Variants in POGLUT1 observed in about 807,000 individuals in gnomAD.
POGLUT1 encodes 9630046K23Rik.
POGLUT1 carries 32 observed loss-of-function variants against 61.3 expected under a neutral mutation model. The ratio of observed to expected loss-of-function variants is 0.52; its 90% CI spans 0.39 to 0.70. The LOEUF is 0.70. Among genes scored for constraint, POGLUT1 ranks in the 30% least tolerant of loss-of-function variants. The pLI is 0.00. For missense variants in POGLUT1, 411 were observed against 469.8 expected (o/e 0.87, Z 1.16); for synonymous variants, 158 against 158.2 (o/e 1.00, Z 0.01).
Position 119,470,435 on chromosome 3 carries a change from G to T in POGLUT1, c.176+525G>T, listed in dbSNP as rs144505126. On this transcript the variant is annotated intron_variant, in intron 2 of 10. Transcript: ENST00000295588. ...TACTAAAAATACAAAAATTAGCTGG[G>T]CATGATGGCACGTGCCTGTAATCCC... 1.8e-4 allele frequency among the ~76,000 whole-genome samples: 27 copies of T among 152,272 alleles called. No homozygotes were observed. In the East Asian group the frequency reaches 5.2e-3, roughly 29 times the overall value.
rs777875042 is a variant in POGLUT1, at chr3:119,492,486, A to G, written c.*48A>G. 3.8e-6 allele frequency: 5 copies of G among 1,306,678 alleles called. No homozygotes were observed. The highest frequency in any genetic ancestry group is 1.5e-5 in the African/African-American group (1 of 67,612). 80.9% of individuals were successfully genotyped at this position (1,306,678 alleles called of 1,614,324 possible). ...CTCTTTGTGGCAACAGATCTCAGAT[A>G]TCCTACGGTGAGAAGCTTACCATAA... On this transcript the variant is annotated 3_prime_UTR_variant, in exon 11 of 11. Transcript: ENST00000295588.
chr3:119,469,071 T>C lies in POGLUT1; in HGVS notation c.50T>C (p.Leu17Pro). ...SPLRLWLLLF[L>P]LPSAQGRQKE... ...CTTCGGCTCTGGCTGCTGTTGTTCC[T>C]CCTGCCCTCAGCGCAGGGCCGCCAG... Residue 17 changes from leucine (L) to proline (P), a missense_variant, in exon 1 of 11, where the codon CTC becomes CCC. Leu to Pro is a moderately conservative substitution (Grantham distance 98, BLOSUM62 -3). Transcript: ENST00000295588. The C allele has an allele frequency of 6.2e-7, 1 of 1,609,368 alleles. No homozygotes were observed. Among genetic ancestry groups the C allele is most frequent in the Non-Finnish European group, 8.5e-7 (1 of 1,179,062 alleles).
intron 5 of POGLUT1, 85 bp downstream of exon 5, chr3:119,480,257 T>A (rs1428170646): frequency 4.5e-5 from 54 of 1,200,670 alleles, no homozygotes; most frequent in Non-Finnish European, 5.9e-5. Flanking sequence ...ATTTACTTTT[T>A]TTTTTTTTGA....
intron 4 of POGLUT1, chr3:119,478,468 C>T (rs1319990187): frequency 2.2e-6 from 1 of 456,022 alleles, no homozygotes; most frequent in South Asian, 1.6e-5. Context: ...CAGATAGAGG[C>T]TCCCATGTAA....
In POGLUT1 at chr3:119,469,038, G is replaced by T; in HGVS notation, c.17G>T (p.Ser6Ile). Residue 6 changes from serine to isoleucine, a missense_variant, in exon 1 of 11, where the codon AGC becomes ATC. Coordinates refer to ENST00000295588, the MANE Select transcript of POGLUT1 (RefSeq NM_152305.3). MEWWA[S>I]SPLRLWLLLF... ...CTGCCGGCGATGGAGTGGTGGGCTA[G>T]CTCGCCGCTTCGGCTCTGGCTGCTG... The T allele has an allele frequency of 2.5e-6, 4 of 1,608,874 alleles. No homozygotes were observed. Among genetic ancestry groups the T allele is most frequent in the Middle Eastern group, 2.0e-4 (1 of 4,912 alleles).
Position 119,488,923 on chromosome 3 carries a change from T to G in POGLUT1, c.739-6T>G, listed in dbSNP as rs1169477481. The G allele has an allele frequency of 6.4e-7, 1 of 1,550,756 alleles. No homozygotes were observed. The highest frequency in any genetic ancestry group is 1.4e-5 in the African/African-American group (1 of 73,852). On this transcript the variant is annotated splice_polypyrimidine_tract_variant and splice_region_variant and intron_variant, in intron 7 of 10. Coordinates refer to ENST00000295588, the MANE Select transcript of POGLUT1 (RefSeq NM_152305.3). ...TTAATACTAATAACTTCCTTTCCAC[T>G]TAAAGGATACCTTAGGAAAGCCAGC... is the stretch of plus-strand genomic sequence containing the variant.
rs545626845 is a variant in POGLUT1, at chr3:119,491,986, G to A, written c.1023-296G>A. ...GGAGAATCACTTGAACCCGGGAGGC[G>A]GAGGTTGCAGTGAGCCAAGATCGCA... On this transcript the variant is annotated intron_variant, in intron 10 of 10. Coordinates refer to ENST00000295588, the MANE Select transcript of POGLUT1 (RefSeq NM_152305.3). Among the ~76,000 whole-genome samples, 10 of 152,026 alleles carry A rather than the reference G, an allele frequency of 6.6e-5. No homozygotes were observed. In the South Asian group the frequency reaches 8.3e-4, roughly 13 times the overall value.
intron 2 of POGLUT1, 71 bp downstream of exon 2, chr3:119,469,981 G>C: frequency 1.1e-6 from 1 of 943,138 alleles, no homozygotes; most frequent in South Asian, 1.4e-5. Context: ...ACATCCTTGA[G>C]AGATTTTGGT....
chr3:119,490,502 G>A (rs764487502), intron 8 of POGLUT1, 49 bp from the exon 9 acceptor site: 1 of 1,482,684 alleles, frequency 6.7e-7, no homozygotes, highest in East Asian at 2.3e-5. Context: ...GGTCATATTT[G>A]TGGCAGCAGG....
chr3:119,478,579 T>C (rs1265646671), intron 4 of POGLUT1: 3 of 351,192 alleles, frequency 8.5e-6, no homozygotes, highest in Non-Finnish European at 1.7e-5. Flanking sequence ...ACTTCCCTTC[T>C]GTTTTTTAAA....
intron 4 of POGLUT1, among the ~76,000 whole-genome samples, chr3:119,478,696 A>G (rs1338574022): frequency 1.3e-5 from 2 of 152,080 alleles, no homozygotes; most frequent in Admixed American, 6.6e-5. Flanking sequence ...GATGAATCAC[A>G]TTTTTTACAT....
In POGLUT1 at chr3:119,492,452, A is replaced by T. The variant is rs1255064927; in HGVS notation, c.*14A>T. Reference sequence around the variant, plus strand: ...ACTGAACTATAGTAGTCATCATAGGACCATAGTCCTCTTTGTGGCAACAGA... The same window carrying T: ...ACTGAACTATAGTAGTCATCATAGGTCCATAGTCCTCTTTGTGGCAACAGA... On this transcript the variant is annotated 3_prime_UTR_variant, in exon 11 of 11. Coordinates refer to ENST00000295588, the MANE Select transcript of POGLUT1 (RefSeq NM_152305.3). 1.3e-6 allele frequency: 2 copies of T among 1,524,388 alleles called. No homozygotes were observed. Among genetic ancestry groups the T allele is most frequent in the Non-Finnish European group, 1.8e-6 (2 of 1,123,518 alleles). 94.4% of individuals were successfully genotyped at this position (1,524,388 alleles called of 1,614,324 possible).
intron 6 of POGLUT1, 125 bp from the exon 7 acceptor site, chr3:119,486,708 C>T (rs2081668228): frequency 4.1e-6 from 3 of 734,828 alleles, no homozygotes; most frequent in South Asian, 3.1e-5. Flanking sequence ...GCTGTCACGT[C>T]ACCAGTGAAT....
chr3:119,471,632 A>C (rs2081475755), intron 3 of POGLUT1, 180 bp downstream of exon 3: 2 of 594,324 alleles, frequency 3.4e-6, no homozygotes, highest in Non-Finnish European at 6.0e-6. Context: ...GCTCCTCTCA[A>C]AGCCTGTCTC....
rs750185465 is a variant in POGLUT1 at position 119,492,461 on chromosome 3, C to T, written c.*23C>T. 6.7e-6 allele frequency: 10 copies of T among 1,481,820 alleles called. No homozygotes were observed. The East Asian group carries it at 2.5e-4, about 37-fold the overall frequency. 91.8% of individuals were successfully genotyped at this position (1,481,820 alleles called of 1,614,324 possible). On this transcript the variant is annotated 3_prime_UTR_variant, in exon 11 of 11. Coordinates refer to ENST00000295588, the MANE Select transcript of POGLUT1 (RefSeq NM_152305.3). ...TAGTAGTCATCATAGGACCATAGTCCTCTTTGTGGCAACAGATCTCAGATA... is the reference window on the plus strand; with the variant it reads ...TAGTAGTCATCATAGGACCATAGTCTTCTTTGTGGCAACAGATCTCAGATA...
Position 119,480,014 on chromosome 3 carries a change from A to T in POGLUT1, c.457-37A>T, listed in dbSNP as rs1479110138. On this transcript the variant is annotated intron_variant, in intron 4 of 10. Transcript: ENST00000295588. The stretch of plus-strand genomic sequence containing the variant: ...GCAGTTGCCTCTTTTCACTGTTCCA[A>T]GACTGATTTAGGACGACCTGTCTGT... 3 of 1,611,220 alleles carry T rather than the reference A, an allele frequency of 1.9e-6. No homozygotes were observed. In the Admixed American group the frequency reaches 5.0e-5, roughly 27 times the overall value.
intron 3 of POGLUT1, among the ~76,000 whole-genome samples, chr3:119,474,729 C>G (rs1403038885): frequency 6.6e-6 from 1 of 152,042 alleles, no homozygotes; most frequent in Non-Finnish European, 1.5e-5. Flanking sequence ...ATCCCAGCTA[C>G]TTGGGAGGCT....
At chr3:119,489,798 C>T (rs1220443637) in intron 8 of POGLUT1, 1 of 152,542 alleles carries the variant, frequency 6.6e-6, no homozygotes, top group Non-Finnish European at 1.5e-5. Context: ...TGAGCTCTGC[C>T]TTCTGTCAGA....
In POGLUT1 at chr3:119,491,564, A is replaced by G. The variant is rs777882653; in HGVS notation, c.1012A>G (p.Ile338Val). 1.0e-5 allele frequency: 16 copies of G among 1,555,070 alleles called. No individual in the cohort carries two copies. In the East Asian group the frequency reaches 3.5e-4, roughly 34 times the overall value. The change falls in exon 10 of 11, where the codon ATT becomes GTT. Residue 338 changes from isoleucine to valine, a missense_variant. Coordinates refer to ENST00000295588, the MANE Select transcript of POGLUT1 (RefSeq NM_152305.3). ...AGCAAATGATGATGTAGCTCAAGAG[A>G]TTGCTGAAAGGTGAGTTCTGTTCAT... is the stretch of plus-strand genomic sequence containing the variant. Reference protein sequence around the residue: ...VKANDDVAQEIAERGSQFIRN... With the variant: ...VKANDDVAQEVAERGSQFIRN...
Sources: gnomAD v4.1 joint callset for allele counts (sites outside exome capture counted in the v4.1 genomes callset) on GRCh38, gnomAD v4.1.1 for gene constraint, MANE v1.5 for transcripts, NCBI Gene and HGNC (gene_info 2026-07-23, HGNC 2026-07-21) for gene names.